UBAP1L: variants seen among roughly 807,000 people sequenced by gnomAD.
UBAP1L encodes the protein ubiquitin-associated protein 1-like.
Under a neutral mutation model 32.1 loss-of-function variants are expected in UBAP1L, and 32 were observed. That is an observed-to-expected ratio of 1.00 (90% CI 0.75 to 1.34). The LOEUF is 1.34. Ranked by LOEUF, UBAP1L falls within the 40% of genes most tolerant of loss-of-function variation. The pLI is 0.00. For missense variants in UBAP1L, 516 were observed against 540.5 expected, an observed-to-expected ratio of 0.95 and a Z score of 0.45; for synonymous variants, 243 against 250.2, an observed-to-expected ratio of 0.97 and a Z score of 0.27.
intron 4 of UBAP1L, 160 bp downstream of exon 4, chr15:65,099,345 C>A: frequency 1.4e-6 from 1 of 724,442 alleles, no homozygotes; most frequent in Non-Finnish European, 2.2e-6. Context: ...ACCATCTCAG[C>A]CCCACTTAGG....
At position 65,111,792 on chromosome 15, in the gene UBAP1L, C is replaced by CT. The variant is rs765098451; in HGVS notation, c.-174+3357dup. ...GAGCCACCATGCCCAGCCTATATCT[C>CT]TTTTTTTTTTCTTTTTTAGGCAGAG... On this transcript the variant is annotated intron_variant, in intron 1 of 5. Coordinates refer to ENST00000559089, the MANE Select transcript of UBAP1L (RefSeq NM_001163692.2). Among the ~76,000 whole-genome samples, 1,469 of 149,252 alleles carry CT rather than the reference C, an allele frequency of 9.8e-3. 15 individuals carry two copies. The highest frequency in any genetic ancestry group is 0.014 in the Middle Eastern group (4 of 292).
chr15:65,112,151 T>C (rs1456119467), intron 1 of UBAP1L, among the ~76,000 whole-genome samples: 1 of 152,174 alleles, frequency 6.6e-6, no homozygotes, highest in Non-Finnish European at 1.5e-5. Flanking sequence ...AGATGGGACT[T>C]GGCCTTGACC....
Position 65,102,250 on chromosome 15 carries a change from G to T in UBAP1L, c.555C>A (p.Ser185Arg), listed in dbSNP as rs1222983981. 3.1e-6 allele frequency: 4 copies of T among 1,292,664 alleles called. No homozygotes were observed. In the African/African-American group the frequency reaches 4.7e-5, roughly 15 times the overall value. 80.1% of individuals were successfully genotyped at this position (1,292,664 alleles called of 1,614,324 possible). A position where few individuals can be genotyped will look rare whatever the true frequency, so the allele number is the denominator to read the frequency against. The change falls in exon 3 of 6, where the codon AGC becomes AGA. Residue 185 changes from serine (S) to arginine (R), a missense_variant. Physicochemically the swap from Ser to Arg is moderately radical, Grantham distance 110. Transcript: ENST00000559089. This position sits in a 1 kb window ranked among gnomAD's most constrained non-coding sequence, Gnocchi z 5.0. ...GGGACTGCGCAGGGCTCGGGCACAG[G>T]CTCAGCGCGCGGTGGCCGCGGAGGC... ...LHGLRGHRAL[S>R]LCPSPAQSPR...
In UBAP1L at chr15:65,102,163, CGG is replaced by C; in HGVS notation, c.640_641del (p.Pro214AlafsTer45). On this transcript the variant is annotated frameshift_variant, in exon 3 of 6. Transcript: ENST00000559089. LOFTEE classifies it high-confidence loss of function. This position sits in a 1 kb window ranked among gnomAD's most constrained non-coding sequence, Gnocchi z 5.0. ...PQHPAAPASPPRPSTAGAIPP... is the reference protein window; with the variant it reads ...PQHPAAPASPXRPSTAGAIPP... ...GGATGGCGCCTGCCGTGGAGGGCCGCGGGGGCGACGCGGGGGCGGCGGGGTGC... is the reference window on the plus strand; with the variant it reads ...GGATGGCGCCTGCCGTGGAGGGCCGCGGGCGACGCGGGGGCGGCGGGGTGC... The C allele has an allele frequency of 8.5e-7, 1 of 1,182,110 alleles. No homozygotes were observed. The highest frequency in any genetic ancestry group is 1.0e-6 in the Non-Finnish European group (1 of 955,272). The allele number at this position is 1,182,110 out of a possible 1,614,324, so 73.2% of individuals were successfully genotyped here.
chr15:65,110,684 CA>C (rs71136313), intron 1 of UBAP1L, among the ~76,000 whole-genome samples: 7,876 of 63,086 alleles, frequency 0.12, 151 homozygotes, highest in South Asian at 0.15. Context: ...GACTCTGTCT[CA>C]AAAAAAAAAA....
Position 65,102,697 on chromosome 15 carries a change from G to A in UBAP1L, c.121-13C>T, listed in dbSNP as rs1391297095. The A allele has an allele frequency of 6.5e-7, 1 of 1,543,758 alleles. No individual in the cohort carries two copies. The highest frequency in any genetic ancestry group is 1.4e-5 in the African/African-American group (1 of 72,896). On this transcript the variant is annotated splice_polypyrimidine_tract_variant and intron_variant, in intron 2 of 5. Transcript: ENST00000559089. This position sits in a 1 kb window ranked among gnomAD's most constrained non-coding sequence, Gnocchi z 5.0. ...GGCTGAAGTCGTGCTGCGGAAAGAA[G>A]GCGACGTAAAGCCCAGGGCAAACCA...
chr15:65,095,151 G>T (rs937582563), intron 4 of UBAP1L: 1 of 153,526 alleles, frequency 6.5e-6, no homozygotes, highest in Non-Finnish European at 1.4e-5. Flanking sequence ...CCACGGTTAC[G>T]TCATCAGGGG....
At chr15:65,096,126 G>A (rs924775204) in intron 4 of UBAP1L, 2 of 152,280 alleles carry the variant, frequency 1.3e-5, no homozygotes, top group Admixed American at 6.5e-5. Flanking sequence ...GTTTCCAAAG[G>A]TGAAAGCTTC....
At position 65,106,304 on chromosome 15, in the gene UBAP1L, G is replaced by T. The variant is rs1353218945; in HGVS notation, c.-89C>A. ...AGTCGAGTCCTGAGGACCAGGCTCA[G>T]GCCTCAAATGGCCTCACTGCTCTCC... On this transcript the variant is annotated 5_prime_UTR_variant, in exon 2 of 6. The change creates a new upstream start codon in the 5' untranslated region. Transcript: ENST00000559089. The T allele has an allele frequency of 3.0e-6, 4 of 1,328,296 alleles. No individual in the cohort carries two copies. The highest frequency in any genetic ancestry group is 2.9e-6 in the Non-Finnish European group (3 of 1,032,016). 82.3% of individuals were successfully genotyped at this position (1,328,296 alleles called of 1,614,324 possible). A position where few individuals can be genotyped will look rare whatever the true frequency, so the allele number is the denominator to read the frequency against.
At chr15:65,101,977 G>A in intron 3 of UBAP1L, 129 bp downstream of exon 3, 1 of 358,592 alleles carries the variant, frequency 2.8e-6, no homozygotes, top group Non-Finnish European at 4.9e-6. Flanking sequence ...GGCCCAGGTG[G>A]GAGCAGGTCA....
chr15:65,100,731 C>A (rs1237279094), intron 3 of UBAP1L: 6 of 152,240 alleles, frequency 3.9e-5, no homozygotes, highest in Admixed American at 3.3e-4. Flanking sequence ...GAATCCCCAC[C>A]CATACGCATC....
At chr15:65,105,956 A>G (rs2087305072) in intron 2 of UBAP1L, 140 bp downstream of exon 2, 3 of 1,239,568 alleles carry the variant, frequency 2.4e-6, no homozygotes, top group South Asian at 1.4e-5. Context: ...ACACCCAGCT[A>G]ATTTTTTGTA....
intron 1 of UBAP1L, among the ~76,000 whole-genome samples, chr15:65,114,040 C>T (rs371447347): frequency 1.3e-5 from 2 of 152,188 alleles, no homozygotes; most frequent in East Asian, 1.9e-4. Flanking sequence ...GCACCTGCCA[C>T]CACGCCCGCT....
Position 65,094,676 on chromosome 15 carries a change from G to A in UBAP1L, c.910-100C>T, listed in dbSNP as rs1242052250. 2.3e-6 allele frequency: 2 copies of A among 866,530 alleles called. No individual in the cohort carries two copies. The highest frequency in any genetic ancestry group is 1.9e-6 in the Non-Finnish European group (1 of 533,380). 53.7% of individuals were successfully genotyped at this position (866,530 alleles called of 1,614,324 possible). On this transcript the variant is annotated intron_variant, in intron 4 of 5. Coordinates refer to ENST00000559089, the MANE Select transcript of UBAP1L (RefSeq NM_001163692.2). This position sits in a 1 kb window ranked among gnomAD's most constrained non-coding sequence, Gnocchi z 4.2. ...TCCAAGGGCCTGAGCTGAGGGCCAG[G>A]CAACAGGGCAAGCCACCACCTGCAG...
At position 65,113,432 on chromosome 15, in the gene UBAP1L, T is replaced by C. The variant is rs138650705; in HGVS notation, c.-174+1718A>G. Among the ~76,000 whole-genome samples the C allele has an allele frequency of 6.4e-3, 973 of 152,216 alleles. 8 individuals carry two copies. Among genetic ancestry groups the C allele is most frequent in the Admixed American group, 9.1e-3 (139 of 15,294 alleles). On this transcript the variant is annotated intron_variant, in intron 1 of 5. Transcript: ENST00000559089. ...TGGATACTTGCTAAGTTCTTCCCTGTTGCTTCCCCACAATTAATTAAAAGC... is the reference window on the plus strand; with the variant it reads ...TGGATACTTGCTAAGTTCTTCCCTGCTGCTTCCCCACAATTAATTAAAAGC...
intron 2 of UBAP1L, chr15:65,105,135 T>G (rs1326685403): frequency 5.1e-6 from 1 of 196,220 alleles, no homozygotes; most frequent in African/African-American, 2.4e-5. Context: ...GCCATGTTCA[T>G]GCCGCTGCAC....
chr15:65,106,380 G>A lies in UBAP1L; in HGVS notation c.-165C>T. Reference sequence around the variant, plus strand: ...AACAGCTGGAAAGGAAAAGGTGAGGGGGCCAGTGCTGCATAAAGGAAGGAA... The same window carrying A: ...AACAGCTGGAAAGGAAAAGGTGAGGAGGCCAGTGCTGCATAAAGGAAGGAA... On this transcript the variant is annotated 5_prime_UTR_variant, in exon 2 of 6. Coordinates refer to ENST00000559089, the MANE Select transcript of UBAP1L (RefSeq NM_001163692.2). The A allele has an allele frequency of 1.4e-6, 1 of 696,778 alleles. No individual in the cohort carries two copies. Among genetic ancestry groups the A allele is most frequent in the Non-Finnish European group, 2.2e-6 (1 of 453,050 alleles). 43.2% of individuals were successfully genotyped at this position (696,778 alleles called of 1,614,324 possible).
chr15:65,103,211 G>A (rs993896947), intron 2 of UBAP1L, among the ~76,000 whole-genome samples: 12 of 152,268 alleles, frequency 7.9e-5, no homozygotes, highest in Admixed American at 1.3e-4. Context: ...ACTCTACTTA[G>A]TATGGTCTAG....
chr15:65,110,348 A>T (rs545469699), intron 1 of UBAP1L, among the ~76,000 whole-genome samples: 21 of 148,540 alleles, frequency 1.4e-4, no homozygotes, highest in African/African-American at 4.7e-4. Flanking sequence ...ACAGAGTGAG[A>T]CTCTGTCTCC....
Sources: allele counts gnomAD v4.1 joint callset (sites outside exome capture counted in the v4.1 genomes callset), GRCh38; gene constraint gnomAD v4.1.1; non-coding constraint Gnocchi (gnomAD v3.1); transcripts MANE v1.5; gene names NCBI Gene and HGNC (gene_info 2026-07-23, HGNC 2026-07-21).